Variants in ARAP3 observed in about 807,000 individuals in gnomAD.
ARAP3 encodes arf-GAP with Rho-GAP domain, ANK repeat and PH domain-containing protein 3.
ARAP3 carries 82 observed loss-of-function variants against 169.2 expected under a neutral mutation model. The ratio of observed to expected loss-of-function variants is 0.48; its 90% confidence interval spans 0.41 to 0.58. The LOEUF (loss-of-function observed/expected upper bound fraction) is 0.58. Among genes scored for constraint, ARAP3 ranks in the 20% least tolerant of loss-of-function variants. The probability of loss-of-function intolerance (pLI) is 0.00; values close to 1 mark genes in which losing one functional copy is unlikely to be tolerated. For synonymous variants in ARAP3, 791 were observed against 800.3 expected, an observed-to-expected ratio of 0.99 and a Z score of 0.20; for missense variants, 1,764 against 2,018.0, an observed-to-expected ratio of 0.87 and a Z score of 2.41.
At chr5:141,678,578 C>T (rs781455846) in intron 4 of ARAP3, among the ~76,000 whole-genome samples, 39 of 151,980 alleles carry the variant, frequency 2.6e-4, no homozygotes, top group Non-Finnish European at 3.1e-4. Flanking sequence ...ACCTCCACCT[C>T]TCCGGTTCAA....
At chr5:141,667,359 CA>C (rs1273413783) in intron 16 of ARAP3, among the ~76,000 whole-genome samples, 10 of 151,952 alleles carry the variant, frequency 6.6e-5, no homozygotes, top group Non-Finnish European at 1.3e-4. Flanking sequence ...CAGTAAATTG[CA>C]GTAAAGGACC....
chr5:141,669,756 T>A lies in ARAP3; in HGVS notation c.2305A>T (p.Thr769Ser). Residue 769 changes from threonine (T) to serine (S), a missense_variant, in exon 16 of 33, where the codon ACA becomes TCA. Physicochemically the swap from Thr to Ser is moderately conservative, Grantham distance 58 (BLOSUM62 1). This residue lies in a region of ARAP3 where 1,112 missense variants were observed against 1,285.7 expected (regional missense o/e 0.86). Coordinates refer to ENST00000239440, the MANE Select transcript of ARAP3 (RefSeq NM_022481.6). Reference sequence around the variant, plus strand: ...GCCTCCAGACTGTCAGCTCCATCTGTGCCAAAATGCTGGATCCTCCCCCCA... The same window carrying A: ...GCCTCCAGACTGTCAGCTCCATCTGAGCCAAAATGCTGGATCCTCCCCCCA... ...LAGGRIQHFG[T>S]DGADSLEAWT... 1 of 1,614,092 alleles carries A rather than the reference T, an allele frequency of 6.2e-7. No individual in the cohort carries two copies. Among genetic ancestry groups the A allele is most frequent in the Non-Finnish European group, 8.5e-7 (1 of 1,179,994 alleles).
rs762955031 is a variant in ARAP3 at position 141,666,414 on chromosome 5, C to T, written c.2572+10G>A. The T allele has an allele frequency of 1.9e-5, 30 of 1,558,462 alleles. No homozygotes were observed. The highest frequency in any genetic ancestry group is 9.4e-5 in the Admixed American group (5 of 53,202). On this transcript the variant is annotated intron_variant, in intron 17 of 32. Coordinates refer to ENST00000239440, the MANE Select transcript of ARAP3 (RefSeq NM_022481.6). The stretch of plus-strand genomic sequence containing the variant: ...CCTTCATCCCTGTCCCCCCAAACCT[C>T]CCCGCTTACTGATCTCCTGTAGCCG...
chr5:141,663,849 C>G (rs374998414), intron 19 of ARAP3, among the ~76,000 whole-genome samples: 25 of 152,296 alleles, frequency 1.6e-4, no homozygotes, highest in African/African-American at 6.0e-4. Context: ...ACTGCAGATT[C>G]AACCGACATC....
intron 4 of ARAP3, among the ~76,000 whole-genome samples, chr5:141,675,201 T>C (rs918734640): frequency 1.3e-5 from 2 of 152,292 alleles, no homozygotes; most frequent in African/African-American, 4.8e-5. Context: ...GGTCTTTGCT[T>C]ATGTCATCTT....
Position 141,672,340 on chromosome 5 carries a change from C to A in ARAP3, c.1386-39G>T. ...AGCCAGTCCATGGGCATGGACCTAC[C>A]TGCCATGTCCCATCCCCCTGGCTCT... On this transcript the variant is annotated intron_variant, in intron 9 of 32. Transcript: ENST00000239440. This position sits in a 1 kb window ranked among gnomAD's most constrained non-coding sequence, Gnocchi z 4.9. 6.2e-7 allele frequency: 1 copy of A among 1,605,664 alleles called. No individual in the cohort carries two copies. The highest frequency in any genetic ancestry group is 8.5e-7 in the Non-Finnish European group (1 of 1,174,414).
At chr5:141,656,664 G>A (rs1297992222) in intron 26 of ARAP3, 27 bp from the exon 27 acceptor site, 1 of 1,613,394 alleles carries the variant, frequency 6.2e-7, no homozygotes, top group South Asian at 1.1e-5. Context: ...AATCCTGGGT[G>A]GAGGATGCTA....
intron 21 of ARAP3, among the ~76,000 whole-genome samples, chr5:141,660,443 G>A (rs1463581249): frequency 2.0e-5 from 3 of 150,124 alleles, no homozygotes; most frequent in Admixed American, 1.3e-4. Context: ...GCAGTGAGCC[G>A]AGATTGCGCC....
In ARAP3 at chr5:141,661,761, C is replaced by G. The variant is rs2099910004; in HGVS notation, c.3042G>C (p.Glu1014Asp). ...GGCAGCCAATCACATCTTTATATTT[C>G]TCCAGGCGCTGATTCTTCTGGGGCA... is the stretch of plus-strand genomic sequence containing the variant. ...AELPQKNQRL[E>D]KYKDVIGCLP... Residue 1014 changes from glutamate to aspartate, a missense_variant, in exon 21 of 33, where the codon GAG becomes GAC. By Grantham distance (45) the Glu-to-Asp change is conservative. This residue lies in a region of ARAP3 where 1,112 missense variants were observed against 1,285.7 expected (regional missense o/e 0.86). Transcript: ENST00000239440. 1 of 1,614,126 alleles carries G rather than the reference C, an allele frequency of 6.2e-7. No homozygotes were observed.
In ARAP3 at chr5:141,672,792, C is replaced by A. The variant is rs773571339; in HGVS notation, c.1227G>T (p.Lys409Asn). Residue 409 changes from lysine (K) to asparagine (N), a missense_variant, in exon 8 of 33, where the codon AAG becomes AAT. Lys to Asn is a moderately conservative substitution (Grantham distance 94). Coordinates refer to ENST00000239440, the MANE Select transcript of ARAP3 (RefSeq NM_022481.6). The surrounding 1 kb of genome is among the most constrained non-coding windows in gnomAD (Gnocchi z 4.9). ...CTCCAGGGCTCAAGGCAGCAAACAC[C>A]TTGGCCTTGTGTCCACGCAGCTCCA... Reference protein sequence around the residue: ...GMLELRGHKAKVFAALSPGEL... With the variant: ...GMLELRGHKANVFAALSPGEL... 4.6e-5 allele frequency: 73 copies of A among 1,588,598 alleles called. No homozygotes were observed. The Admixed American group carries it at 1.2e-3, about 27-fold the overall frequency.
intron 28 of ARAP3, 22 bp from the exon 29 acceptor site, chr5:141,656,121 T>G: frequency 6.2e-7 from 1 of 1,613,868 alleles, no homozygotes; most frequent in Non-Finnish European, 8.5e-7. Flanking sequence ...AGAACAGTGA[T>G]GGGGCAGTCA....
In ARAP3 at chr5:141,666,471, G is replaced by A; in HGVS notation, c.2525C>T (p.Pro842Leu). 6.3e-7 allele frequency: 1 copy of A among 1,597,430 alleles called. No individual in the cohort carries two copies. Among genetic ancestry groups the A allele is most frequent in the South Asian group, 1.1e-5 (1 of 88,544 alleles). ...ATGCACCATGTCCTCAGGGGCTGGG[G>A]GGCCTGGGCCCGGCGCTGAGCACAG... ...LFLCSAPGPGPPAPEDMVHLR... is the reference protein window; with the variant it reads ...LFLCSAPGPGLPAPEDMVHLR... Residue 842 changes from proline (P) to leucine (L), a missense_variant, in exon 17 of 33, where the codon CCC becomes CTC. By Grantham distance (98) the Pro-to-Leu change is moderately conservative (BLOSUM62 -3). This residue lies in a region of ARAP3 where 1,112 missense variants were observed against 1,285.7 expected (regional missense o/e 0.86). Coordinates refer to ENST00000239440, the MANE Select transcript of ARAP3 (RefSeq NM_022481.6).
chr5:141,671,138 G>T lies in ARAP3; in HGVS notation c.1990+127C>A. 7.9e-7 allele frequency: 1 copy of T among 1,266,660 alleles called. No homozygotes were observed. The highest frequency in any genetic ancestry group is 2.3e-5 in the Admixed American group (1 of 43,428). The allele number at this position is 1,266,660 out of a possible 1,614,324, so 78.5% of individuals were successfully genotyped here. A position where few individuals can be genotyped will look rare whatever the true frequency, so the allele number is the denominator to read the frequency against. On this transcript the variant is annotated intron_variant, in intron 13 of 32. Coordinates refer to ENST00000239440, the MANE Select transcript of ARAP3 (RefSeq NM_022481.6). This position sits in a 1 kb window ranked among gnomAD's most constrained non-coding sequence, Gnocchi z 4.9. Reference sequence around the variant, plus strand: ...TCAGGAGATAGGCCCTGGAGGATCTGAGGGTTTGGGAAACTGCCCAGGCTG... The same window carrying T: ...TCAGGAGATAGGCCCTGGAGGATCTTAGGGTTTGGGAAACTGCCCAGGCTG...
chr5:141,679,603 G>C lies in ARAP3; in HGVS notation c.640C>G (p.Pro214Ala), dbSNP rs770034620. ...CTCTCTCTTCTGTCGGGGGCTCCTG[G>C]AGTCCCCACAGGTTGGACACCATAG... The part of the protein sequence containing the change: ...LYYGVQPVGT[P>A]GAPDRRESRG... The change falls in exon 4 of 33, where the codon CCA (proline) becomes GCA (alanine). Residue 214 changes from proline to alanine, a missense_variant. Pro to Ala is a conservative substitution (Grantham distance 27). Around this residue, in one of 3 missense-constraint regions of ARAP3, gnomAD observed 630 missense variants for 678.7 expected, o/e 0.93. Transcript: ENST00000239440. The C allele has an allele frequency of 1.2e-6, 2 of 1,614,126 alleles. No homozygotes were observed. The highest frequency in any genetic ancestry group is 1.7e-6 in the Non-Finnish European group (2 of 1,180,032).
chr5:141,672,539 G>C lies in ARAP3; in HGVS notation c.1385+13C>G. ...AGTCCCCCAGCCTTGCCTCCCACTG[G>C]CCCAGGCCCCACCTGAAGCAGCGAT... On this transcript the variant is annotated intron_variant, in intron 9 of 32. Transcript: ENST00000239440. The surrounding 1 kb of genome is among the most constrained non-coding windows in gnomAD (Gnocchi z 4.9). 1 of 1,613,608 alleles carries C rather than the reference G, an allele frequency of 6.2e-7. No homozygotes were observed.
In ARAP3 at chr5:141,680,234, G is replaced by T; in HGVS notation, c.253C>A (p.Pro85Thr). 3 of 1,614,010 alleles carry T rather than the reference G, an allele frequency of 1.9e-6. No homozygotes were observed. Among genetic ancestry groups the T allele is most frequent in the Non-Finnish European group, 2.5e-6 (3 of 1,179,918 alleles). Residue 85 changes from proline (P) to threonine (T), a missense_variant, in exon 2 of 33, where the codon CCA (proline) becomes ACA (threonine). Physicochemically the swap from Pro to Thr is conservative, Grantham distance 38 (BLOSUM62 -1). Around this residue, in one of 3 missense-constraint regions of ARAP3, gnomAD observed 630 missense variants for 678.7 expected, o/e 0.93. Coordinates refer to ENST00000239440, the MANE Select transcript of ARAP3 (RefSeq NM_022481.6). ...TTAGGGGGCTGGGCTTGCGGGGCTG[G>T]GCTGGGGGATGGTTCCATGGCACTA... ...SDSAMEPSPSPAPQAQPPKPV... is the reference protein window; with the variant it reads ...SDSAMEPSPSTAPQAQPPKPV...
Position 141,672,868 on chromosome 5 carries a change from A to C in ARAP3, c.1151T>G (p.Leu384Arg). 1 of 1,604,374 alleles carries C rather than the reference A, an allele frequency of 6.2e-7. No individual in the cohort carries two copies. Among genetic ancestry groups the C allele is most frequent in the Non-Finnish European group, 8.5e-7 (1 of 1,174,536 alleles). The change falls in exon 8 of 33, where the codon CTG (leucine) becomes CGG (arginine). Residue 384 changes from leucine to arginine, a missense_variant. Coordinates refer to ENST00000239440, the MANE Select transcript of ARAP3 (RefSeq NM_022481.6). This position sits in a 1 kb window ranked among gnomAD's most constrained non-coding sequence, Gnocchi z 4.9. ...TGGTTGGGGGGGCCGGGGGTGGCCC[A>C]GGAGGCGCTGCTCCTTCAGACAGGA... Reference protein sequence around the residue: ...LQSCLKEQRLLGHPRPPQPPR... With the variant: ...LQSCLKEQRLRGHPRPPQPPR...
At chr5:141,669,580 C>A (rs2099911160) in intron 16 of ARAP3, 129 bp downstream of exon 16, 1 of 853,142 alleles carries the variant, frequency 1.2e-6, no homozygotes, top group Non-Finnish European at 1.9e-6. Flanking sequence ...GGGCCTGGCA[C>A]AGAATATGTG....
intron 6 of ARAP3, 103 bp downstream of exon 6, chr5:141,673,298 G>GCC: frequency 6.4e-7 from 1 of 1,553,210 alleles, no homozygotes; most frequent in Non-Finnish European, 8.8e-7. Context: ...TGCAGTCACT[G>GCC]CCCCGCCCAC....
Sources: allele counts gnomAD v4.1 joint callset (sites outside exome capture counted in the v4.1 genomes callset), GRCh38; gene constraint gnomAD v4.1.1; regional missense constraint gnomAD v4.1.1; non-coding constraint Gnocchi (gnomAD v3.1); transcripts MANE v1.5; gene names NCBI Gene and HGNC (gene_info 2026-07-23, HGNC 2026-07-21).